TAGLN: variants seen among roughly 807,000 people sequenced by gnomAD.
TAGLN encodes the protein 22 kDa actin-binding protein.
A neutral mutation model predicts 21.9 loss-of-function variants in TAGLN; 16 were observed. The ratio of observed to expected loss-of-function variants is 0.73; its 90% CI spans 0.49 to 1.11. The LOEUF (loss-of-function observed/expected upper bound fraction) is 1.11, where lower values mean the gene tolerates loss of function less well. Ranked by LOEUF, TAGLN falls within the 50% of genes least tolerant of loss-of-function variation. The probability of loss-of-function intolerance (pLI) is 0.00; values close to 1 mark genes in which losing one functional copy is unlikely to be tolerated. For synonymous variants in TAGLN, 96 were observed against 94.9 expected (o/e 1.01, Z -0.06); for missense variants, 248 against 263.2 (o/e 0.94, Z 0.40).
rs1176744920 is a variant in TAGLN, at chr11:117,206,348, C to A, written c.*1989C>A. 6.2e-7 allele frequency: 1 copy of A among 1,607,392 alleles called. No homozygotes were observed. The highest frequency in any genetic ancestry group is 1.3e-5 in the African/African-American group (1 of 74,936). On this transcript the variant is annotated 3_prime_UTR_variant, in exon 5 of 5. Coordinates refer to ENST00000392951, the MANE Select transcript of TAGLN (RefSeq NM_003186.5). ...AGAAGACGGTGAAACAGCCTACCAG[C>A]ACCAGGGTCTGGGGCCGAGGCAAGC... is the stretch of plus-strand genomic sequence containing the variant.
rs2134272140 is a variant in TAGLN, at chr11:117,203,546, G to A, written c.358+62G>A. On this transcript the variant is annotated intron_variant, in intron 3 of 4. Coordinates refer to ENST00000392951, the MANE Select transcript of TAGLN (RefSeq NM_003186.5). The surrounding 1 kb of genome is among the most constrained non-coding windows in gnomAD (Gnocchi z 4.4). ...AGGACAGGGTGCTGGGACAGGGAGAGGGAATGACCAGAATATGCCACAACT... is the reference window on the plus strand; with the variant it reads ...AGGACAGGGTGCTGGGACAGGGAGAAGGAATGACCAGAATATGCCACAACT... 6.3e-7 allele frequency: 1 copy of A among 1,581,794 alleles called. No individual in the cohort carries two copies. The highest frequency in any genetic ancestry group is 8.6e-7 in the Non-Finnish European group (1 of 1,157,572).
intron 1 of TAGLN, among the ~76,000 whole-genome samples, chr11:117,200,807 C>G (rs570778773): frequency 6.6e-6 from 1 of 152,246 alleles, no homozygotes; most frequent in African/African-American, 2.4e-5. Flanking sequence ...AGACTGGAAG[C>G]TGGGGGTAGG....
chr11:117,206,120 A>C lies in TAGLN; in HGVS notation c.*1761A>C, dbSNP rs2031359266. The C allele has an allele frequency of 1.9e-6, 3 of 1,600,678 alleles. No homozygotes were observed. The highest frequency in any genetic ancestry group is 2.6e-6 in the Non-Finnish European group (3 of 1,170,852). ...CCAGCAGGTCTGGGGCAAGGAGGTCAGAGGTGGTGGGAGGGCCCCTGCTCT... is the reference window on the plus strand; with the variant it reads ...CCAGCAGGTCTGGGGCAAGGAGGTCCGAGGTGGTGGGAGGGCCCCTGCTCT... On this transcript the variant is annotated 3_prime_UTR_variant, in exon 5 of 5. Coordinates refer to ENST00000392951, the MANE Select transcript of TAGLN (RefSeq NM_003186.5).
At chr11:117,199,832 G>A (rs2031009820) in intron 1 of TAGLN, 1 of 26,704 alleles carries the variant, frequency 3.7e-5, no homozygotes, top group African/African-American at 6.7e-5. Flanking sequence ...CCAAGGAGGT[G>A]AGGAGTGTGT....
In TAGLN at chr11:117,204,328, G is replaced by A; in HGVS notation, c.575G>A (p.Gly192Asp). The change falls in exon 5 of 5, where the codon GGC becomes GAC. Residue 192 changes from glycine to aspartate, a missense_variant. Gly to Asp is a moderately conservative substitution (Grantham distance 94, BLOSUM62 -1). Coordinates refer to ENST00000392951, the MANE Select transcript of TAGLN (RefSeq NM_003186.5). ...GGGGCCTCCCAGGCCGGCATGACAG[G>A]CTACGGACGACCTCGGCAGATCATC... is the stretch of plus-strand genomic sequence containing the variant. ...NRGASQAGMT[G>D]YGRPRQIIS The A allele has an allele frequency of 6.2e-7, 1 of 1,614,240 alleles. No homozygotes were observed. Among genetic ancestry groups the A allele is most frequent in the Non-Finnish European group, 8.5e-7 (1 of 1,180,048 alleles).
At position 117,203,796 on chromosome 11, in the gene TAGLN, G is replaced by A. The variant is rs752140448; in HGVS notation, c.373G>A (p.Ala125Thr). ...TCTTCTCACAGGCAAAGACATGGCA[G>A]CAGTGCAGAGGACCCTGATGGCTTT... ...VDLFEGKDMAAVQRTLMALGS... is the reference protein window; with the variant it reads ...VDLFEGKDMATVQRTLMALGS... The change falls in exon 4 of 5, where the codon GCA becomes ACA. Residue 125 changes from alanine to threonine, a missense_variant. Ala to Thr is a moderately conservative substitution (Grantham distance 58, BLOSUM62 0). Transcript: ENST00000392951. This position sits in a 1 kb window ranked among gnomAD's most constrained non-coding sequence, Gnocchi z 4.4. 3.1e-6 allele frequency: 5 copies of A among 1,613,842 alleles called. No homozygotes were observed. The highest frequency in any genetic ancestry group is 4.2e-6 in the Non-Finnish European group (5 of 1,179,816).
In TAGLN at chr11:117,203,760, C is replaced by T. The variant is rs765631160; in HGVS notation, c.359-22C>T. 3 of 1,607,868 alleles carry T rather than the reference C, an allele frequency of 1.9e-6. No homozygotes were observed. The highest frequency in any genetic ancestry group is 1.7e-5 in the Admixed American group (1 of 59,966). Reference sequence around the variant, plus strand: ...GTTTATACGTTCTTGATGTTCATCTCCTCTCTCCTGTCTTCTCACAGGCAA... The same window carrying T: ...GTTTATACGTTCTTGATGTTCATCTTCTCTCTCCTGTCTTCTCACAGGCAA... On this transcript the variant is annotated intron_variant, in intron 3 of 4. Transcript: ENST00000392951. This position sits in a 1 kb window ranked among gnomAD's most constrained non-coding sequence, Gnocchi z 4.4.
Position 117,205,490 on chromosome 11 carries a change from G to A in TAGLN, c.*1131G>A. ...GTGAAGGAGCCAGGGGTTCATTCAT[G>A]GTTGGTTTCTGATCAGGCATCTTGG... On this transcript the variant is annotated 3_prime_UTR_variant, in exon 5 of 5. Coordinates refer to ENST00000392951, the MANE Select transcript of TAGLN (RefSeq NM_003186.5). 4.3e-6 allele frequency: 1 copy of A among 234,320 alleles called. No individual in the cohort carries two copies. The highest frequency in any genetic ancestry group is 6.0e-5 in the East Asian group (1 of 16,606). The allele number at this position is 234,320 out of a possible 1,614,324, so 14.5% of individuals were successfully genotyped here.
chr11:117,203,240 C>T lies in TAGLN; in HGVS notation c.180+47C>T. On this transcript the variant is annotated intron_variant, in intron 2 of 4. Coordinates refer to ENST00000392951, the MANE Select transcript of TAGLN (RefSeq NM_003186.5). This position sits in a 1 kb window ranked among gnomAD's most constrained non-coding sequence, Gnocchi z 4.4. Reference sequence around the variant, plus strand: ...GGCGCTGGGGGGCTGGGGTGTGCCACCCTGTGAGTCCTGGGCCAATCCCTG... The same window carrying T: ...GGCGCTGGGGGGCTGGGGTGTGCCATCCTGTGAGTCCTGGGCCAATCCCTG... 5 of 1,597,838 alleles carry T rather than the reference C, an allele frequency of 3.1e-6. No homozygotes were observed. Among genetic ancestry groups the T allele is most frequent in the Non-Finnish European group, 4.3e-6 (5 of 1,168,158 alleles).
intron 1 of TAGLN, chr11:117,202,260 G>A (rs916051986): frequency 4.6e-5 from 7 of 152,310 alleles, no homozygotes; most frequent in African/African-American, 1.7e-4. Context: ...CTGAGGAAAT[G>A]CAGCTTCTTT....
intron 1 of TAGLN, chr11:117,202,011 C>T (rs540833163): frequency 6.6e-6 from 1 of 152,576 alleles, no homozygotes; most frequent in East Asian, 1.9e-4. Context: ...CTGGCCCACT[C>T]CTGCTGCCAC....
chr11:117,204,784 C>G lies in TAGLN; in HGVS notation c.*425C>G. 3.3e-6 allele frequency: 1 copy of G among 303,956 alleles called. No individual in the cohort carries two copies. The highest frequency in any genetic ancestry group is 6.4e-6 in the Non-Finnish European group (1 of 155,690). The allele number at this position is 303,956 out of a possible 1,614,324, so 18.8% of individuals were successfully genotyped here. Reference sequence around the variant, plus strand: ...TCAAAAAAAAAAAAAAAAAATCAATCTTTTCTCAGGCCTGGCTGGCAGAGT... The same window carrying G: ...TCAAAAAAAAAAAAAAAAAATCAATGTTTTCTCAGGCCTGGCTGGCAGAGT... On this transcript the variant is annotated 3_prime_UTR_variant, in exon 5 of 5. Coordinates refer to ENST00000392951, the MANE Select transcript of TAGLN (RefSeq NM_003186.5).
At position 117,206,922 on chromosome 11, in the gene TAGLN, G is replaced by A. The variant is rs2134279024; in HGVS notation, c.*2563G>A. 1 of 919,580 alleles carries A rather than the reference G, an allele frequency of 1.1e-6. No homozygotes were observed. The highest frequency in any genetic ancestry group is 1.4e-5 in the South Asian group (1 of 73,824). The allele number at this position is 919,580 out of a possible 1,614,324, so 57.0% of individuals were successfully genotyped here. On this transcript the variant is annotated 3_prime_UTR_variant, in exon 5 of 5. Transcript: ENST00000392951. ...CCCCACAGCAAAAAGGAGAGGCCCA[G>A]ACTGTGAGTTCCCAGCCCGGGGCTC...
rs1256772898 is a variant in TAGLN at position 117,205,953 on chromosome 11, AT to A, written c.*1598del. 2.9e-6 allele frequency: 2 copies of A among 689,592 alleles called. No homozygotes were observed. Among genetic ancestry groups the A allele is most frequent in the Non-Finnish European group, 4.8e-6 (2 of 413,968 alleles). 42.7% of individuals were successfully genotyped at this position (689,592 alleles called of 1,614,324 possible). On this transcript the variant is annotated 3_prime_UTR_variant, in exon 5 of 5. Coordinates refer to ENST00000392951, the MANE Select transcript of TAGLN (RefSeq NM_003186.5). ...ACTGCTTTCTGTCAAGAGCTCCCTA[AT>A]TTTGGGAAAGAAGAGCCTGTCCCAC...
chr11:117,204,567 C>T lies in TAGLN; in HGVS notation c.*208C>T. On this transcript the variant is annotated 3_prime_UTR_variant, in exon 5 of 5. Coordinates refer to ENST00000392951, the MANE Select transcript of TAGLN (RefSeq NM_003186.5). Reference sequence around the variant, plus strand: ...ACTTCTTACCCGAAAGCATCACTGCCTTGGCCCCTCCCTCCCGGCTGCCCC... The same window carrying T: ...ACTTCTTACCCGAAAGCATCACTGCTTTGGCCCCTCCCTCCCGGCTGCCCC... 1 of 750,826 alleles carries T rather than the reference C, an allele frequency of 1.3e-6. No individual in the cohort carries two copies. The allele number at this position is 750,826 out of a possible 1,614,324, so 46.5% of individuals were successfully genotyped here. A position where few individuals can be genotyped will look rare whatever the true frequency, so the allele number is the denominator to read the frequency against.
rs1477967018 is a variant in TAGLN, at chr11:117,205,108, GA to G, written c.*756del. 2 of 228,988 alleles carry G rather than the reference GA, an allele frequency of 8.7e-6. No individual in the cohort carries two copies. The highest frequency in any genetic ancestry group is 2.2e-5 in the African/African-American group (1 of 45,176). 14.2% of individuals were successfully genotyped at this position (228,988 alleles called of 1,614,324 possible). On this transcript the variant is annotated 3_prime_UTR_variant, in exon 5 of 5. Coordinates refer to ENST00000392951, the MANE Select transcript of TAGLN (RefSeq NM_003186.5). ...GTTTTTATTTTGGAAAAGCTGTGCA[GA>G]AAAAAATTCAAGAAAATGTTGCTGT...
chr11:117,203,583 T>G lies in TAGLN; in HGVS notation c.358+99T>G, dbSNP rs2269397. 1.4e-6 allele frequency: 2 copies of G among 1,418,674 alleles called. No individual in the cohort carries two copies. Among genetic ancestry groups the G allele is most frequent in the Non-Finnish European group, 9.7e-7 (1 of 1,030,506 alleles). 87.9% of individuals were successfully genotyped at this position (1,418,674 alleles called of 1,614,324 possible). On this transcript the variant is annotated intron_variant, in intron 3 of 4. Coordinates refer to ENST00000392951, the MANE Select transcript of TAGLN (RefSeq NM_003186.5). This position sits in a 1 kb window ranked among gnomAD's most constrained non-coding sequence, Gnocchi z 4.4. Reference sequence around the variant, plus strand: ...AATATGCCACAACTAGGGGTGTGCTTGCCCGCACACAGCAGGGATGGGATA... The same window carrying G: ...AATATGCCACAACTAGGGGTGTGCTGGCCCGCACACAGCAGGGATGGGATA...
chr11:117,204,201 T>C lies in TAGLN; in HGVS notation c.462-14T>C, dbSNP rs779911181. 2 of 1,613,646 alleles carry C rather than the reference T, an allele frequency of 1.2e-6. No homozygotes were observed. The highest frequency in any genetic ancestry group is 2.2e-5 in the East Asian group (1 of 44,900). On this transcript the variant is annotated splice_polypyrimidine_tract_variant and intron_variant, in intron 4 of 4. Transcript: ENST00000392951. ...AGTTCTACCAAGTCTTTATCCTGGTTCCTCCTCTTCTAGGAAAGCGCAGGA... is the reference window on the plus strand; with the variant it reads ...AGTTCTACCAAGTCTTTATCCTGGTCCCTCCTCTTCTAGGAAAGCGCAGGA...
In TAGLN at chr11:117,206,417, G is replaced by A. The variant is rs2031398504; in HGVS notation, c.*2058G>A. 6.4e-7 allele frequency: 1 copy of A among 1,553,422 alleles called. No individual in the cohort carries two copies. Among genetic ancestry groups the A allele is most frequent in the African/African-American group, 1.4e-5 (1 of 72,986 alleles). ...TTCCCGAAGCCTACAGCCTTTCTCAGCCCAGGACAATGAGCTCAGAAAGTC... is the reference window on the plus strand; with the variant it reads ...TTCCCGAAGCCTACAGCCTTTCTCAACCCAGGACAATGAGCTCAGAAAGTC... On this transcript the variant is annotated 3_prime_UTR_variant, in exon 5 of 5. Transcript: ENST00000392951.
Sources: gnomAD v4.1 joint callset for allele counts (sites outside exome capture counted in the v4.1 genomes callset) on GRCh38, gnomAD v4.1.1 for gene constraint, Gnocchi (gnomAD v3.1) non-coding constraint, MANE v1.5 for transcripts, NCBI Gene and HGNC (gene_info 2026-07-23, HGNC 2026-07-21) for gene names.